NDUFA8: variants seen among roughly 807,000 people sequenced by gnomAD.
NDUFA8 encodes NADH dehydrogenase [ubiquinone] 1 alpha subcomplex subunit 8.
Under a neutral mutation model 20.9 loss-of-function variants are expected in NDUFA8, and 16 were observed. That is an observed-to-expected ratio of 0.77 (90% CI 0.52 to 1.16). The LOEUF (loss-of-function observed/expected upper bound fraction) is 1.16. Ranked by LOEUF, NDUFA8 falls within the 50% of genes most tolerant of loss-of-function variation. The pLI, the probability that NDUFA8 is intolerant of heterozygous loss-of-function variation, is 0.00. For synonymous variants in NDUFA8, 70 were observed against 76.1 expected, an observed-to-expected ratio of 0.92 and a Z score of 0.41; for missense variants, 202 against 216.4, an observed-to-expected ratio of 0.93 and a Z score of 0.42.
chr9:122,135,887 C>T, the NDUFA8 span, among the ~76,000 whole-genome samples: 25 of 152,328 alleles, frequency 1.6e-4, no homozygotes, highest in African/African-American at 5.8e-4. Flanking sequence ...CCATGCCCGG[C>T]CTAGCCCTGG....
intron 1 of NDUFA8, among the ~76,000 whole-genome samples, chr9:122,157,509 T>C (rs1829091872): frequency 6.6e-6 from 1 of 152,272 alleles, no homozygotes; most frequent in Non-Finnish European, 1.5e-5. Flanking sequence ...GTTATTTATG[T>C]AATTATTCGT....
At position 122,152,300 on chromosome 9, in the gene NDUFA8, T is replaced by A; in HGVS notation, c.160A>T (p.Arg54Trp). ...MLCRWEEKDP[R>W]RCLEEGKLVN... is the part of the protein sequence containing the mutation. ...AGTTTGCCTTCCTCTAAACACCGCC[T>A]CGGATCTTTCTCTTCCCAGCGGCAG... Residue 54 changes from arginine (R) to tryptophan (W), a missense_variant, in exon 2 of 4, where the codon AGG (arginine) becomes TGG (tryptophan). Physicochemically the swap from Arg to Trp is moderately radical, Grantham distance 101. Coordinates refer to ENST00000373768, the MANE Select transcript of NDUFA8 (RefSeq NM_014222.3). The A allele has an allele frequency of 2.5e-6, 4 of 1,614,180 alleles. No homozygotes were observed. The highest frequency in any genetic ancestry group is 1.1e-5 in the South Asian group (1 of 91,078).
At position 122,144,315 on chromosome 9, in the gene NDUFA8, C is replaced by T. The variant is rs1458430131; in HGVS notation, c.445G>A (p.Asp149Asn). 2 of 1,614,124 alleles carry T rather than the reference C, an allele frequency of 1.2e-6. No individual in the cohort carries two copies. The highest frequency in any genetic ancestry group is 2.2e-5 in the South Asian group (2 of 91,076). The change falls in exon 4 of 4, where the codon GAT becomes AAT. Residue 149 changes from aspartate to asparagine, a missense_variant. Asp to Asn is a conservative substitution (Grantham distance 23, BLOSUM62 1). Coordinates refer to ENST00000373768, the MANE Select transcript of NDUFA8 (RefSeq NM_014222.3). ...TCTCCCTCGATCTCAGGGCTGGGAT[C>T]CGGTCTTGGTCTTGAGTGATAGGGA... ...ENPYHSRPRP[D>N]PSPEIEGDLQ...
downstream of NDUFA8, among the ~76,000 whole-genome samples, chr9:122,142,034 T>C (rs7030059): frequency 0.27 from 40,672 of 151,922 alleles, 6,890 homozygotes; most frequent in African/African-American, 0.48. Flanking sequence ...ATTTGGGGAG[T>C]GAACAGTGCT....
intron 1 of NDUFA8, among the ~76,000 whole-genome samples, chr9:122,156,809 C>A (rs1245380059): frequency 6.6e-6 from 1 of 152,206 alleles, no homozygotes; most frequent in Non-Finnish European, 1.5e-5. Context: ...TTGTTCTTTG[C>A]TCTCTGTAAG....
At chr9:122,157,839 A>C (rs999866866) in intron 1 of NDUFA8, among the ~76,000 whole-genome samples, 5 of 152,200 alleles carry the variant, frequency 3.3e-5, no homozygotes, top group Non-Finnish European at 7.3e-5. Context: ...TCTAAGATTA[A>C]ATGAAGCATT....
At chr9:122,147,418 T>TA (rs887115312) in intron 3 of NDUFA8, among the ~76,000 whole-genome samples, 11 of 150,416 alleles carry the variant, frequency 7.3e-5, no homozygotes, top group Non-Finnish European at 1.6e-4. Context: ...AATGTAGTTT[T>TA]AAAAAAAAAA....
At chr9:122,152,560 T>TA (rs1418609950) in intron 1 of NDUFA8, 152 bp from the exon 2 acceptor site, 1 of 714,010 alleles carries the variant, frequency 1.4e-6, no homozygotes, top group East Asian at 2.9e-5. Context: ...TAATAATTTT[T>TA]TTTTTTTTTT....
At chr9:122,137,570 C>T in the NDUFA8 span, among the ~76,000 whole-genome samples, 1 of 152,138 alleles carries the variant, frequency 6.6e-6, no homozygotes, top group Non-Finnish European at 1.5e-5. Flanking sequence ...AAGTGGTTGA[C>T]AAAATCTTAG....
intron 1 of NDUFA8, among the ~76,000 whole-genome samples, chr9:122,156,523 C>T (rs950983079): frequency 2.6e-5 from 4 of 152,224 alleles, no homozygotes; most frequent in Admixed American, 2.6e-4. Context: ...ACATCGAAAG[C>T]ACACCATAAA....
chr9:122,150,398 G>A (rs911708592), intron 2 of NDUFA8, among the ~76,000 whole-genome samples: 2 of 105,884 alleles, frequency 1.9e-5, no homozygotes, highest in East Asian at 3.2e-4. Context: ...GCGACAGAGT[G>A]ACACCCCATC....
chr9:122,143,522 A>C (rs1212923980), downstream of NDUFA8, among the ~76,000 whole-genome samples: 1 of 152,168 alleles, frequency 6.6e-6, no homozygotes, highest in Non-Finnish European at 1.5e-5. Flanking sequence ...GAACACACCC[A>C]AGGTTGGAAT....
intron 1 of NDUFA8, among the ~76,000 whole-genome samples, chr9:122,155,943 T>C (rs1212658887): frequency 2.0e-5 from 3 of 152,150 alleles, no homozygotes; most frequent in Non-Finnish European, 4.4e-5. Context: ...AAGGAAGACA[T>C]TGAGTCTGTT....
At position 122,144,158 on chromosome 9, in the gene NDUFA8, A is replaced by G. The variant is rs1192500939; in HGVS notation, c.*83T>C. ...ATGTTTGTGATCCCGGAAAGAACAC[A>G]CTATCAGTCGATGCAAACCGCATGG... On this transcript the variant is annotated 3_prime_UTR_variant, in exon 4 of 4. Transcript: ENST00000373768. The G allele has an allele frequency of 6.2e-6, 10 of 1,609,490 alleles. No homozygotes were observed. In the East Asian group the frequency reaches 1.3e-4, roughly 22 times the overall value.
At chr9:122,144,482 A>G (rs1396607856) in intron 3 of NDUFA8, 104 bp from the exon 4 acceptor site, 2 of 1,070,996 alleles carry the variant, frequency 1.9e-6, no homozygotes, top group Non-Finnish European at 2.9e-6. Context: ...CCGCTGCTAC[A>G]ACTGCTCCCC....
intron 1 of NDUFA8, 121 bp from the exon 2 acceptor site, chr9:122,152,529 G>C (rs2118711368): frequency 1.2e-5 from 10 of 844,312 alleles, no homozygotes; most frequent in Non-Finnish European, 1.7e-5. Flanking sequence ...ACTTTACCAA[G>C]AAAATTAAAC....
chr9:122,133,544 C>T, the NDUFA8 span, among the ~76,000 whole-genome samples: 1 of 152,210 alleles, frequency 6.6e-6, no homozygotes, highest in African/African-American at 2.4e-5. Context: ...TTCTAGGAGG[C>T]AGAGCCTCTC....
intron 1 of NDUFA8, 72 bp downstream of exon 1, chr9:122,159,554 CA>C: frequency 6.3e-7 from 1 of 1,590,380 alleles, no homozygotes; most frequent in African/African-American, 1.3e-5. Context: ...CCGCGGAGCC[CA>C]AGGGGGGCTA....
At chr9:122,147,418 TA>T (rs887115312) in intron 3 of NDUFA8, among the ~76,000 whole-genome samples, 9 of 150,412 alleles carry the variant, frequency 6.0e-5, no homozygotes, top group African/African-American at 2.0e-4. Context: ...AATGTAGTTT[TA>T]AAAAAAAAAT....
Sources: allele counts gnomAD v4.1 joint callset (sites outside exome capture counted in the v4.1 genomes callset), GRCh38; gene constraint gnomAD v4.1.1; transcripts MANE v1.5; gene names NCBI Gene and HGNC (gene_info 2026-07-23, HGNC 2026-07-21).